Variants in GPATCH2 observed in about 807,000 individuals in gnomAD.
The protein encoded by GPATCH2 is G-patch domain containing 2.
Under a neutral mutation model 58.0 loss-of-function variants are expected in GPATCH2, and 51 were observed. The observed-to-expected ratio is 0.88, with a 90% CI of 0.70 to 1.11. GPATCH2 has a LOEUF of 1.11. Ranked by LOEUF, GPATCH2 falls within the 50% of genes most tolerant of loss-of-function variation. The pLI is 0.00. For synonymous variants in GPATCH2, 222 were observed against 218.5 expected, an observed-to-expected ratio of 1.02 and a Z score of -0.14; for missense variants, 625 against 652.2, an observed-to-expected ratio of 0.96 and a Z score of 0.45.
chr1:217,498,401 GAGGA>G lies in GPATCH2; in HGVS notation c.1167-10_1167-7del, dbSNP rs1662116735. On this transcript the variant is annotated splice_polypyrimidine_tract_variant and splice_region_variant and intron_variant, in intron 6 of 9. Transcript: ENST00000366935. ...CCCCAGGGCTAAACCAATGGCTGCA[GAGGA>G]AAGAAAAAGGCAGTTAGAGGGAACC... 6.2e-7 allele frequency: 1 copy of G among 1,611,812 alleles called. No individual in the cohort carries two copies. The highest frequency in any genetic ancestry group is 1.3e-5 in the African/African-American group (1 of 74,888).
rs566435555 is a variant in GPATCH2, at chr1:217,598,929, C to G, written c.1098+11392G>C. Among the ~76,000 whole-genome samples, 7 of 152,004 alleles carry G rather than the reference C, an allele frequency of 4.6e-5. No individual in the cohort carries two copies. The South Asian group carries it at 1.2e-3, about 27-fold the overall frequency. On this transcript the variant is annotated intron_variant, in intron 5 of 9. Coordinates refer to ENST00000366935, the MANE Select transcript of GPATCH2 (RefSeq NM_018040.5). ...TGAATTAATTAATGAGTGGCAGAGACAGAAGATATAATGCCATTTCAGATA... is the reference window on the plus strand; with the variant it reads ...TGAATTAATTAATGAGTGGCAGAGAGAGAAGATATAATGCCATTTCAGATA...
At chr1:217,553,670 A>G (rs572378419) in intron 5 of GPATCH2, among the ~76,000 whole-genome samples, 3 of 152,356 alleles carry the variant, frequency 2.0e-5, no homozygotes, top group Admixed American at 2.0e-4. Flanking sequence ...ATAAAGGAAC[A>G]ATAAATGCAT....
chr1:217,556,752 T>A (rs1226839741), intron 5 of GPATCH2, among the ~76,000 whole-genome samples: 1 of 152,226 alleles, frequency 6.6e-6, no homozygotes, highest in African/African-American at 2.4e-5. Context: ...ATTCGTGAGA[T>A]ATGCATTCTT....
At chr1:217,451,333 T>C (rs1659655840) in intron 8 of GPATCH2, among the ~76,000 whole-genome samples, 3 of 152,212 alleles carry the variant, frequency 2.0e-5, no homozygotes, top group Admixed American at 2.0e-4. Flanking sequence ...CTCTACCTTG[T>C]AGCTAACCGA....
chr1:217,474,380 C>T (rs1660879072), intron 8 of GPATCH2, among the ~76,000 whole-genome samples: 1 of 152,136 alleles, frequency 6.6e-6, no homozygotes, highest in African/African-American at 2.4e-5. Flanking sequence ...AGTTGGGAGA[C>T]AATTCTTCTG....
chr1:217,538,592 G>A (rs1316624552), intron 5 of GPATCH2, among the ~76,000 whole-genome samples: 1 of 152,066 alleles, frequency 6.6e-6, no homozygotes, highest in Non-Finnish European at 1.5e-5. Context: ...TACTGTAATC[G>A]TTTCCAGTCT....
At chr1:217,448,046 C>T (rs891841174) in intron 9 of GPATCH2, among the ~76,000 whole-genome samples, 1 of 149,374 alleles carries the variant, frequency 6.7e-6, no homozygotes, top group African/African-American at 2.5e-5. Context: ...TGCAGCGAGC[C>T]AAGATCACAC....
chr1:217,630,895 C>T (rs555852262), intron 1 of GPATCH2, 21 bp downstream of exon 1: 6 of 1,575,710 alleles, frequency 3.8e-6, no homozygotes, highest in South Asian at 2.3e-5. Context: ...ACCTCCCCCT[C>T]CCCAGGGCCG....
intron 9 of GPATCH2, among the ~76,000 whole-genome samples, chr1:217,444,703 G>C (rs781208324): frequency 7.2e-5 from 11 of 152,148 alleles, no homozygotes; most frequent in Non-Finnish European, 1.3e-4. Flanking sequence ...CATTCAGATA[G>C]AGTCTGGTTT....
At chr1:217,573,985 G>T (rs948508425) in intron 5 of GPATCH2, among the ~76,000 whole-genome samples, 1 of 152,132 alleles carries the variant, frequency 6.6e-6, no homozygotes, top group Non-Finnish European at 1.5e-5. Flanking sequence ...GAATGAGAAT[G>T]GTTTGCTTGG....
intron 5 of GPATCH2, among the ~76,000 whole-genome samples, chr1:217,536,985 C>T (rs374986528): frequency 6.6e-6 from 1 of 152,022 alleles, no homozygotes; most frequent in African/African-American, 2.4e-5. Flanking sequence ...CAAAACAAAA[C>T]AAACAAACCA....
chr1:217,583,160 C>T (rs1314595104), intron 5 of GPATCH2, among the ~76,000 whole-genome samples: 3 of 151,770 alleles, frequency 2.0e-5, no homozygotes, highest in African/African-American at 4.8e-5. Context: ...AGCACAGAAC[C>T]GAAGATATTA....
intron 8 of GPATCH2, among the ~76,000 whole-genome samples, chr1:217,474,147 A>C (rs1660864177): frequency 1.3e-5 from 2 of 152,088 alleles, no homozygotes; most frequent in Non-Finnish European, 2.9e-5. Context: ...AACTGATGCC[A>C]CAAGGGGAGA....
intron 2 of GPATCH2, among the ~76,000 whole-genome samples, chr1:217,618,628 A>G (rs562243911): frequency 6.6e-6 from 1 of 152,268 alleles, no homozygotes; most frequent in East Asian, 1.9e-4. Flanking sequence ...ACAAGCAAAA[A>G]AACCCCAAAA....
At position 217,449,480 on chromosome 1, in the gene GPATCH2, G is replaced by A. The variant is rs569652977; in HGVS notation, c.1278-143C>T. ...TAAAATCACCAATCTTGTTTATATC[G>A]AAACATAATTACATTTGTTGACAAG... On this transcript the variant is annotated intron_variant, in intron 8 of 9. Transcript: ENST00000366935. 6.1e-5 allele frequency: 37 copies of A among 606,936 alleles called. No individual in the cohort carries two copies. The East Asian group carries it at 7.7e-4, about 13-fold the overall frequency. 37.6% of individuals were successfully genotyped at this position (606,936 alleles called of 1,614,324 possible).
At chr1:217,456,546 G>T (rs1462869000) in intron 8 of GPATCH2, among the ~76,000 whole-genome samples, 1 of 152,226 alleles carries the variant, frequency 6.6e-6, no homozygotes, top group Non-Finnish European at 1.5e-5. Context: ...CAGCAGGGCT[G>T]AAATGTAGTG....
At chr1:217,563,902 GGC>G in intron 5 of GPATCH2, among the ~76,000 whole-genome samples, 1 of 152,026 alleles carries the variant, frequency 6.6e-6, no homozygotes, top group East Asian at 1.9e-4. Flanking sequence ...AAATTAGCCA[GGC>G]GTGGTGGCGC....
intron 5 of GPATCH2, among the ~76,000 whole-genome samples, chr1:217,553,326 C>A (rs1156691273): frequency 1.3e-5 from 2 of 151,968 alleles, no homozygotes; most frequent in East Asian, 3.9e-4. Flanking sequence ...TAAATGAATA[C>A]TCAACAGACT....
chr1:217,433,863 T>C (rs907062979), intron 9 of GPATCH2, among the ~76,000 whole-genome samples: 1 of 152,218 alleles, frequency 6.6e-6, no homozygotes, highest in Non-Finnish European at 1.5e-5. Context: ...GATTCTCACT[T>C]GTAGAACAAG....
Sources: allele counts gnomAD v4.1 joint callset (sites outside exome capture counted in the v4.1 genomes callset), GRCh38; gene constraint gnomAD v4.1.1; transcripts MANE v1.5; gene names NCBI Gene and HGNC (gene_info 2026-07-23, HGNC 2026-07-21).